Variants in SAMMSON observed in about 807,000 individuals in gnomAD.
SAMMSON encodes long intergenic non-protein coding RNA 1212.
intron 9 of SAMMSON, among the ~76,000 whole-genome samples, chr3:70,363,896 T>C (rs1210364156): frequency 6.6e-6 from 1 of 151,872 alleles, no homozygotes; most frequent in African/African-American, 2.4e-5. Flanking sequence ...TATTTTCTTT[T>C]TATTTTACGT....
chr3:70,307,589 C>A (rs1702414162), intron 7 of SAMMSON, among the ~76,000 whole-genome samples: 1 of 152,086 alleles, frequency 6.6e-6, no homozygotes, highest in African/African-American at 2.4e-5. Context: ...TTTGATATGG[C>A]TTTCATTCAG....
At chr3:70,393,822 G>T (rs116586251), downstream of SAMMSON, among the ~76,000 whole-genome samples, 210 of 152,222 alleles carry the variant, frequency 1.4e-3, 2 homozygotes, top group African/African-American at 4.8e-3. Flanking sequence ...AGGTGGTCTG[G>T]GGCTGGCCAG....
At chr3:70,421,345 A>C (rs1397684540) in intron 2 of SAMMSON, among the ~76,000 whole-genome samples, 1 of 152,208 alleles carries the variant, frequency 6.6e-6, no homozygotes, top group Admixed American at 6.5e-5. Context: ...TAGATAGGCT[A>C]TAATTATTTG....
intron 3 of SAMMSON, among the ~76,000 whole-genome samples, chr3:70,058,480 G>T (rs991339093): frequency 3.9e-5 from 6 of 151,900 alleles, no homozygotes; most frequent in Non-Finnish European, 7.4e-5. Context: ...AAAATTTCAG[G>T]TTTATATACT....
At chr3:70,123,174 T>A (rs2067442356) in intron 4 of SAMMSON, among the ~76,000 whole-genome samples, 1 of 152,218 alleles carries the variant, frequency 6.6e-6, no homozygotes, top group Non-Finnish European at 1.5e-5. Context: ...TCTGCATTTC[T>A]ACCAAGTTCA....
chr3:70,232,783 C>A (rs1200095201), intron 4 of SAMMSON, among the ~76,000 whole-genome samples: 2 of 152,122 alleles, frequency 1.3e-5, no homozygotes, highest in Admixed American at 6.6e-5. Context: ...CAGGGACTGA[C>A]TTCTTACTGG....
chr3:70,319,528 CTT>C (rs1702520685), intron 7 of SAMMSON, among the ~76,000 whole-genome samples: 1 of 152,050 alleles, frequency 6.6e-6, no homozygotes, highest in Non-Finnish European at 1.5e-5. Flanking sequence ...TAGAGATAGT[CTT>C]CTCTCTCTGT....
At chr3:70,418,963 TCCTTTCCTTC>T (rs1170955784) in intron 2 of SAMMSON, among the ~76,000 whole-genome samples, 5 of 71,110 alleles carry the variant, frequency 7.0e-5, no homozygotes, top group African/African-American at 2.2e-4. Context: ...TCCTTTCCTT[TCCTTTCCTTC>T]CTTCCTTCTC....
intron 6 of SAMMSON, among the ~76,000 whole-genome samples, chr3:70,284,977 T>C (rs569755263): frequency 6.6e-6 from 1 of 152,308 alleles, no homozygotes; most frequent in South Asian, 2.1e-4. Context: ...CAATGTTACA[T>C]GGGTTAAACT....
chr3:70,015,732 G>A (rs2066981328), intron 3 of SAMMSON, among the ~76,000 whole-genome samples: 1 of 151,212 alleles, frequency 6.6e-6, no homozygotes, highest in Non-Finnish European at 1.5e-5. Context: ...CCCCACGACA[G>A]GCCCCGGTGT....
chr3:70,023,857 A>G (rs2067026034), intron 3 of SAMMSON, among the ~76,000 whole-genome samples: 1 of 152,156 alleles, frequency 6.6e-6, no homozygotes, highest in African/African-American at 2.4e-5. Flanking sequence ...TAGTTTGCCA[A>G]CCTGTTATTG....
chr3:70,330,840 A>G (rs1702616942), intron 7 of SAMMSON, among the ~76,000 whole-genome samples: 1 of 152,182 alleles, frequency 6.6e-6, no homozygotes, highest in South Asian at 2.1e-4. Flanking sequence ...ACAAAATAAT[A>G]TAAATAGACA....
chr3:70,025,688 T>C (rs2067034737), intron 3 of SAMMSON, among the ~76,000 whole-genome samples: 1 of 152,204 alleles, frequency 6.6e-6, no homozygotes, highest in Non-Finnish European at 1.5e-5. Context: ...ACAATCTGAG[T>C]ATAACTTTTG....
rs1396273405 is a variant in SAMMSON, at chr3:70,395,564, CCTG to C, written n.233+37242_233+37244del. On this transcript the variant is annotated intron_variant and non_coding_transcript_variant, in intron 2 of 3. Coordinates refer to the SAMMSON transcript ENST00000641053. The stretch of plus-strand genomic sequence containing the variant: ...GCACTTTGGCTTTCCGGTTATTACT[CCTG>C]CCACAGTTTTACAAAATCTACTCAG... 3.3e-5 allele frequency among the ~76,000 whole-genome samples: 5 copies of C among 152,190 alleles called. No homozygotes were observed. The East Asian group carries it at 9.7e-4, about 29-fold the overall frequency.
intron 4 of SAMMSON, among the ~76,000 whole-genome samples, chr3:70,197,733 A>T (rs1275020848): frequency 6.6e-6 from 1 of 152,228 alleles, no homozygotes; most frequent in East Asian, 1.9e-4. Flanking sequence ...TAAAATAATC[A>T]CAGCTTTTGG....
intron 4 of SAMMSON, among the ~76,000 whole-genome samples, chr3:70,175,195 T>C (rs913003010): frequency 6.6e-6 from 1 of 152,114 alleles, no homozygotes; most frequent in Non-Finnish European, 1.5e-5. Flanking sequence ...AGGTCTGGCA[T>C]TGATTTAATC....
chr3:70,016,452 C>G (rs527550619), intron 3 of SAMMSON, among the ~76,000 whole-genome samples: 1 of 152,012 alleles, frequency 6.6e-6, no homozygotes, highest in South Asian at 2.1e-4. Context: ...TTTCGTGTAA[C>G]TTTGTTTGAG....
At chr3:70,431,058 ACT>A (rs1701409063) in intron 2 of SAMMSON, among the ~76,000 whole-genome samples, 4 of 152,016 alleles carry the variant, frequency 2.6e-5, no homozygotes, top group Admixed American at 2.0e-4. Flanking sequence ...TTATTTGGAC[ACT>A]CTGTTGAGTT....
chr3:70,235,657 A>G (rs1701599878), intron 4 of SAMMSON, among the ~76,000 whole-genome samples: 1 of 152,078 alleles, frequency 6.6e-6, no homozygotes, highest in Admixed American at 6.6e-5. Context: ...CCCTTTGCTG[A>G]CCACTCTTGA....
Sources: gnomAD v4.1 joint callset for allele counts (sites outside exome capture counted in the v4.1 genomes callset) on GRCh38, gnomAD v4.1.1 for gene constraint, MANE v1.5 for transcripts, NCBI Gene and HGNC (gene_info 2026-07-23, HGNC 2026-07-21) for gene names.